The following MRAP2 variants were observed in gnomAD, a reference collection of about 807,000 sequenced individuals.
MRAP2 encodes the protein melanocortin 2 receptor accessory protein 2.
Under a neutral mutation model 17.4 loss-of-function variants are expected in MRAP2, and 20 were observed. That is an observed-to-expected ratio of 1.15 (90% CI 0.81 to 1.67). The LOEUF (loss-of-function observed/expected upper bound fraction) is 1.67, where lower values mean the gene tolerates loss of function less well. Ranked by LOEUF, MRAP2 falls within the 40% of genes most tolerant of loss-of-function variation. The probability of loss-of-function intolerance (pLI) is 0.00; values close to 1 mark genes in which losing one functional copy is unlikely to be tolerated. For missense variants in MRAP2, 238 were observed against 240.0 expected, an observed-to-expected ratio of 0.99 and a Z score of 0.05; for synonymous variants, 96 against 88.4, an observed-to-expected ratio of 1.09 and a Z score of -0.48.
chr6:84,091,593 G>A (rs1466987457), downstream of MRAP2, among the ~76,000 whole-genome samples: 1 of 151,990 alleles, frequency 6.6e-6, no homozygotes, highest in African/African-American at 2.4e-5. Flanking sequence ...TATAAATCAT[G>A]GGCTATTATT....
chr6:84,095,120 G>A (rs1389015907), downstream of MRAP2, among the ~76,000 whole-genome samples: 1 of 152,234 alleles, frequency 6.6e-6, no homozygotes, highest in Non-Finnish European at 1.5e-5. Context: ...AGGAGATGCT[G>A]TGCACACAGT....
the MRAP2 span, among the ~76,000 whole-genome samples, chr6:84,144,792 T>G: frequency 2.0e-5 from 3 of 152,166 alleles, no homozygotes; most frequent in Non-Finnish European, 4.4e-5. Flanking sequence ...TTTAATATTC[T>G]GTAGAGAACT....
intron 1 of MRAP2, among the ~76,000 whole-genome samples, chr6:84,046,764 G>A (rs1051523194): frequency 1.7e-5 from 2 of 117,538 alleles, no homozygotes; most frequent in East Asian, 5.5e-4. Flanking sequence ...CTGGGCAACA[G>A]AGCGAAACTC....
chr6:84,125,139 T>C, the MRAP2 span: 43 of 1,613,602 alleles, frequency 2.7e-5, no homozygotes, highest in Non-Finnish European at 3.6e-5. Flanking sequence ...GGTGCAGCTC[T>C]CGGAGAACAT....
intron 1 of MRAP2, chr6:84,045,299 C>T (rs926969320): frequency 1.0e-6 from 1 of 985,244 alleles, no homozygotes; most frequent in African/African-American, 1.7e-5. Context: ...CTGTCAGGTA[C>T]AGCTGATGAG....
the MRAP2 span, chr6:84,126,402 T>C: frequency 1.2e-6 from 2 of 1,603,344 alleles, no homozygotes; most frequent in Admixed American, 1.7e-5. Flanking sequence ...GTTCTCTTTG[T>C]GCATGTCTCA....
At chr6:84,037,083 A>G (rs759563212) in intron 1 of MRAP2, among the ~76,000 whole-genome samples, 1 of 152,064 alleles carries the variant, frequency 6.6e-6, no homozygotes, top group African/African-American at 2.4e-5. Flanking sequence ...TCCTCCAGCT[A>G]GACATAAAAG....
chr6:84,130,945 G>C, the MRAP2 span, among the ~76,000 whole-genome samples: 2 of 152,134 alleles, frequency 1.3e-5, no homozygotes, highest in African/African-American at 4.8e-5. Flanking sequence ...TAATTGTGAT[G>C]TTAGGGTGTT....
At position 84,089,295 on chromosome 6, in the gene MRAP2, C is replaced by T; in HGVS notation, c.432C>T (p.Leu144=). 6.2e-7 allele frequency: 1 copy of T among 1,614,144 alleles called. No homozygotes were observed. The highest frequency in any genetic ancestry group is 8.5e-7 in the Non-Finnish European group (1 of 1,180,030). ...QTTALDSDVQ[L]QEAIRSSGQP... ...CAGCCCTTGACAGTGACGTCCAACTCCAGGAAGCCATCAGAAGCAGTGGGC... is the reference window on the plus strand; with the variant it reads ...CAGCCCTTGACAGTGACGTCCAACTTCAGGAAGCCATCAGAAGCAGTGGGC... Residue 144 remains leucine (L), a synonymous_variant, in exon 4 of 4, where the codon CTC becomes CTT. Transcript: ENST00000257776.
At chr6:84,120,109 A>G in the MRAP2 span, among the ~76,000 whole-genome samples, 1 of 152,226 alleles carries the variant, frequency 6.6e-6, no homozygotes, top group Non-Finnish European at 1.5e-5. Flanking sequence ...TAAGTCCTGG[A>G]GTCTGTAGGC....
chr6:84,104,873 A>G, the MRAP2 span, among the ~76,000 whole-genome samples: 2 of 152,164 alleles, frequency 1.3e-5, no homozygotes, highest in African/African-American at 2.4e-5. Context: ...GTCTCAAAAA[A>G]AAAAGAAATT....
At chr6:84,067,101 G>A (rs2099494936) in intron 3 of MRAP2, among the ~76,000 whole-genome samples, 1 of 151,318 alleles carries the variant, frequency 6.6e-6, no homozygotes, top group Admixed American at 6.6e-5. Flanking sequence ...TATCCTCATA[G>A]CTTAGCTCCC....
the MRAP2 span, among the ~76,000 whole-genome samples, chr6:84,097,704 G>C: frequency 6.6e-6 from 1 of 152,030 alleles, no homozygotes; most frequent in Non-Finnish European, 1.5e-5. Context: ...ATAATCTGTG[G>C]ATTTGCATCT....
intron 3 of MRAP2, among the ~76,000 whole-genome samples, chr6:84,065,675 T>A (rs929916128): frequency 6.6e-6 from 1 of 152,226 alleles, no homozygotes; most frequent in Non-Finnish European, 1.5e-5. Context: ...CTAGGAACAC[T>A]AGCATGAAAT....
chr6:84,092,485 C>T (rs2099501928), downstream of MRAP2, among the ~76,000 whole-genome samples: 1 of 152,080 alleles, frequency 6.6e-6, no homozygotes, highest in African/African-American at 2.4e-5. Context: ...TTATCTTAAC[C>T]ATCTAATTTC....
At chr6:84,117,647 GTGTC>G in the MRAP2 span, among the ~76,000 whole-genome samples, 3,340 of 105,410 alleles carry the variant, frequency 0.032, 121 homozygotes, top group African/African-American at 0.24. Flanking sequence ...TGTGGGGTGT[GTGTC>G]TGTGTGTGTG....
At chr6:84,069,132 C>T (rs1273860665) in intron 3 of MRAP2, among the ~76,000 whole-genome samples, 1 of 151,688 alleles carries the variant, frequency 6.6e-6, no homozygotes, top group East Asian at 1.9e-4. Flanking sequence ...ACTTCCAGTA[C>T]TATGTTGAAG....
chr6:84,056,832 C>G (rs535304290), intron 2 of MRAP2, among the ~76,000 whole-genome samples: 1 of 152,180 alleles, frequency 6.6e-6, no homozygotes, highest in East Asian at 1.9e-4. Flanking sequence ...AGGCCTGCTG[C>G]TGTAATTTTG....
At chr6:84,132,427 C>T in the MRAP2 span, among the ~76,000 whole-genome samples, 1 of 152,188 alleles carries the variant, frequency 6.6e-6, no homozygotes, top group Non-Finnish European at 1.5e-5. Context: ...GCATAATATC[C>T]TGAAGAGTGT....
Sources: gnomAD v4.1 joint callset for allele counts (sites outside exome capture counted in the v4.1 genomes callset) on GRCh38, gnomAD v4.1.1 for gene constraint, MANE v1.5 for transcripts, NCBI Gene and HGNC (gene_info 2026-07-23, HGNC 2026-07-21) for gene names.